The following PCNX1 variants were observed in gnomAD, a reference collection of about 807,000 sequenced individuals.
PCNX1 encodes the protein pecanex 1, also known as pecanex-like protein 1.
A neutral mutation model predicts 242.2 loss-of-function variants in PCNX1; 78 were observed. The ratio of observed to expected loss-of-function variants is 0.32; its 90% CI spans 0.27 to 0.39. The LOEUF (loss-of-function observed/expected upper bound fraction) is 0.39, where lower values mean the gene tolerates loss of function less well. Among genes scored for constraint, PCNX1 ranks in the 10% least tolerant of loss-of-function variants. PCNX1 has a pLI of 1.00. For synonymous variants in PCNX1, 1,024 were observed against 1,032.9 expected (o/e 0.99, Z 0.17); for missense variants, 2,581 against 2,856.5 (o/e 0.90, Z 2.20).
chr14:71,020,031 T>C (rs1243152047), intron 12 of PCNX1, among the ~76,000 whole-genome samples: 1 of 151,752 alleles, frequency 6.6e-6, no homozygotes, highest in Non-Finnish European at 1.5e-5. Context: ...GAACATGCAG[T>C]GTTTGGTTTT....
At chr14:70,998,766 A>G (rs865944021) in intron 8 of PCNX1, among the ~76,000 whole-genome samples, 8 of 151,050 alleles carry the variant, frequency 5.3e-5, no homozygotes, top group Non-Finnish European at 8.9e-5. Flanking sequence ...AAAAAAAAAA[A>G]AAAAAAGAAA....
intron 15 of PCNX1, 46 bp from the exon 16 acceptor site, chr14:71,028,654 A>G: frequency 9.0e-7 from 1 of 1,108,332 alleles, no homozygotes; most frequent in Non-Finnish European, 1.3e-6. Context: ...AATTATTTTC[A>G]TATATTTTTA....
chr14:71,014,625 G>A (rs577572176), intron 11 of PCNX1, among the ~76,000 whole-genome samples: 1 of 152,256 alleles, frequency 6.6e-6, no homozygotes, highest in South Asian at 2.1e-4. Flanking sequence ...ATTGCACCTT[G>A]TAGAAGAAAA....
chr14:70,947,120 C>G lies in PCNX1; in HGVS notation c.359C>G (p.Pro120Arg). The G allele has an allele frequency of 6.2e-7, 1 of 1,601,954 alleles. No homozygotes were observed. The highest frequency in any genetic ancestry group is 8.5e-7 in the Non-Finnish European group (1 of 1,171,558). The change falls in exon 2 of 36, where the codon CCG (proline) becomes CGG (arginine). Residue 120 changes from proline to arginine, a missense_variant. Coordinates refer to ENST00000304743, the MANE Select transcript of PCNX1 (RefSeq NM_014982.3). Reference protein sequence around the residue: ...CSTRRKDSNGPSDPGGGIEMS... With the variant: ...CSTRRKDSNGRSDPGGGIEMS... ...ACCAGGAGAAAAGACAGCAATGGAC[C>G]GAGGTAAGGAAACCTATGTCATTGA...
chr14:71,108,446 ATTTC>A (rs1350783620), intron 33 of PCNX1, among the ~76,000 whole-genome samples, 154 bp from the exon 34 acceptor site: 1 of 152,232 alleles, frequency 6.6e-6, no homozygotes, highest in Non-Finnish European at 1.5e-5. Context: ...TCAGATACGT[ATTTC>A]TTTTTCTTAA....
At chr14:70,988,751 A>G in intron 7 of PCNX1, 52 bp downstream of exon 7, 1 of 1,569,750 alleles carries the variant, frequency 6.4e-7, no homozygotes, top group Non-Finnish European at 8.7e-7. Context: ...CAACCCTTCT[A>G]ATCTGTTCCG....
At position 71,010,218 on chromosome 14, in the gene PCNX1, A is replaced by G. The variant is rs140016411; in HGVS notation, c.2720+494A>G. The stretch of plus-strand genomic sequence containing the variant: ...AATCAAGATATCCCGAAGATCTTAC[A>G]GTGGCACAGTGTTTTCCCACAGTGT... On this transcript the variant is annotated intron_variant, in intron 9 of 35. Coordinates refer to ENST00000304743, the MANE Select transcript of PCNX1 (RefSeq NM_014982.3). 9.8e-3 allele frequency among the ~76,000 whole-genome samples: 1,489 copies of G among 152,226 alleles called. 28 individuals are homozygous for G. Among genetic ancestry groups the G allele is most frequent in the African/African-American group, 0.033 (1,385 of 41,570 alleles).
chr14:70,938,466 C>T (rs2057098980), intron 1 of PCNX1, among the ~76,000 whole-genome samples: 1 of 152,176 alleles, frequency 6.6e-6, no homozygotes. Context: ...AGCCTTGCAT[C>T]CCAGGGATAA....
chr14:71,050,821 T>A (rs1032790070), intron 23 of PCNX1, 61 bp downstream of exon 23: 5 of 1,448,410 alleles, frequency 3.5e-6, no homozygotes, highest in Non-Finnish European at 4.8e-6. Context: ...AGAATGTTGG[T>A]TTATAGGCAT....
intron 1 of PCNX1, among the ~76,000 whole-genome samples, chr14:70,929,360 A>G (rs1411447695): frequency 6.6e-6 from 1 of 151,806 alleles, no homozygotes; most frequent in Non-Finnish European, 1.5e-5. Context: ...AGTATCCCTC[A>G]GCCAAGAAGG....
intron 3 of PCNX1, among the ~76,000 whole-genome samples, chr14:70,966,395 T>G (rs1278977750): frequency 6.6e-6 from 1 of 152,216 alleles, no homozygotes; most frequent in Admixed American, 6.5e-5. Flanking sequence ...TCTAGGCTTT[T>G]TTCTCAGGGT....
chr14:71,096,685 A>G (rs1201384598), intron 30 of PCNX1, among the ~76,000 whole-genome samples: 1 of 152,160 alleles, frequency 6.6e-6, no homozygotes. Context: ...GAGTTGGTGT[A>G]TGATATACAG....
intron 30 of PCNX1, among the ~76,000 whole-genome samples, chr14:71,095,241 A>T (rs2062243829): frequency 6.6e-6 from 1 of 152,232 alleles, no homozygotes; most frequent in Non-Finnish European, 1.5e-5. Flanking sequence ...AAATGAGTTT[A>T]CATATGATAT....
chr14:71,055,496 T>C lies in PCNX1; in HGVS notation c.4578-8T>C. 1 of 1,577,494 alleles carries C rather than the reference T, an allele frequency of 6.3e-7. No homozygotes were observed. The highest frequency in any genetic ancestry group is 8.7e-7 in the Non-Finnish European group (1 of 1,150,448). On this transcript the variant is annotated splice_polypyrimidine_tract_variant and splice_region_variant and intron_variant, in intron 24 of 35. Transcript: ENST00000304743. ...AGAAAGTTACTAAAAATGTTTTATT[T>C]TCTTTAGCACAAAACGAGTGGATCA...
intron 25 of PCNX1, among the ~76,000 whole-genome samples, chr14:71,056,510 A>C (rs1414567275): frequency 1.3e-5 from 2 of 152,086 alleles, no homozygotes; most frequent in African/African-American, 4.8e-5. Context: ...CCCTTTCATT[A>C]TTTTATTCAA....
chr14:70,916,696 G>A (rs978291497), intron 1 of PCNX1, among the ~76,000 whole-genome samples: 1 of 152,096 alleles, frequency 6.6e-6, no homozygotes, highest in Non-Finnish European at 1.5e-5. Flanking sequence ...TTTTTTGCTG[G>A]TGAAGGGTCT....
In PCNX1 at chr14:70,907,889, G is replaced by T. The variant is rs945077940; in HGVS notation, c.39G>T (p.Val13=). The change falls in exon 1 of 36, where the codon GTG becomes GTT. Residue 13 remains valine (V), a synonymous_variant. Transcript: ENST00000304743. ...CGCTGCAGATCCTCCGACAGGGGGT[G>T]TGGGCCGCGCTCAGCGGGGGCTGGT... The part of the protein sequence containing the change: ...SQTLQILRQG[V]WAALSGGWYY... 7 of 1,563,022 alleles carry T rather than the reference G, an allele frequency of 4.5e-6. No individual in the cohort carries two copies. The highest frequency in any genetic ancestry group is 6.0e-6 in the Non-Finnish European group (7 of 1,158,240).
At chr14:71,102,275 C>G in intron 31 of PCNX1, 55 bp downstream of exon 31, 5 of 1,412,644 alleles carry the variant, frequency 3.5e-6, no homozygotes, top group Non-Finnish European at 5.0e-6. Context: ...ATAACTTGAT[C>G]TAAAATTTTT....
At position 71,108,582 on chromosome 14, in the gene PCNX1, G is replaced by A. The variant is rs202165433; in HGVS notation, c.6302-22G>A. ...GTCTGAGTCATTCTACTTTGAGTGA[G>A]TGCTGCTGTTTCTCCTCCTAGGCAC... On this transcript the variant is annotated intron_variant, in intron 33 of 35. Transcript: ENST00000304743. 7.0e-5 allele frequency: 110 copies of A among 1,573,890 alleles called. No individual in the cohort carries two copies. The East Asian group carries it at 1.9e-3, about 27-fold the overall frequency.
Sources: allele counts gnomAD v4.1 joint callset (sites outside exome capture counted in the v4.1 genomes callset), GRCh38; gene constraint gnomAD v4.1.1; transcripts MANE v1.5; gene names NCBI Gene and HGNC (gene_info 2026-07-23, HGNC 2026-07-21).